VPS13B: variants seen among roughly 807,000 people sequenced by gnomAD.
VPS13B encodes intermembrane lipid transfer protein VPS13B.
In VPS13B, 285 loss-of-function variants were observed where a neutral mutation model predicts 426.4. That is an observed-to-expected ratio of 0.67 (90% CI 0.61 to 0.74). The LOEUF is 0.74. VPS13B is among the 30% of genes least tolerant of loss of function. VPS13B has a pLI of 0.00. For missense variants in VPS13B, 4,537 were observed against 4,782.6 expected, an observed-to-expected ratio of 0.95 and a Z score of 1.51; for synonymous variants, 1,676 against 1,676.4, an observed-to-expected ratio of 1.00 and a Z score of 0.01.
chr8:99,523,432 C>T (rs1289503966), intron 30 of VPS13B, among the ~76,000 whole-genome samples: 2 of 152,212 alleles, frequency 1.3e-5, no homozygotes, highest in Admixed American at 1.3e-4. Context: ...GTGCTGGCTT[C>T]AAGTCTGACC....
chr8:99,676,326 G>A (rs1379574935), intron 35 of VPS13B, among the ~76,000 whole-genome samples: 1 of 152,096 alleles, frequency 6.6e-6, no homozygotes, highest in Non-Finnish European at 1.5e-5. Flanking sequence ...AGGCCTTGTA[G>A]ACAGCTGGTA....
chr8:99,722,522 T>G (rs1833172053), intron 39 of VPS13B, among the ~76,000 whole-genome samples: 1 of 151,956 alleles, frequency 6.6e-6, no homozygotes, highest in Admixed American at 6.6e-5. Context: ...TTTTTTTTTT[T>G]TTGAGACAGA....
At chr8:99,661,216 G>C in intron 34 of VPS13B, 138 bp from the exon 35 acceptor site, 4 of 1,060,832 alleles carry the variant, frequency 3.8e-6, no homozygotes, top group Non-Finnish European at 5.6e-6. Context: ...TACTGTATGT[G>C]CACAAACAAA....
intron 43 of VPS13B, among the ~76,000 whole-genome samples, chr8:99,798,018 C>G (rs539490479): frequency 6.6e-6 from 1 of 152,080 alleles, no homozygotes; most frequent in African/African-American, 2.4e-5. Context: ...CCTTTGCTCC[C>G]GAGTGGCAGT....
chr8:99,348,185 T>C (rs1312601808), intron 19 of VPS13B: 2 of 152,268 alleles, frequency 1.3e-5, no homozygotes, highest in African/African-American at 4.8e-5. Context: ...ATAGTGGATA[T>C]ACTTGTTGAC....
intron 15 of VPS13B, among the ~76,000 whole-genome samples, chr8:99,161,808 T>C (rs58752318): frequency 0.28 from 42,385 of 150,064 alleles, 6,995 homozygotes; most frequent in East Asian, 0.43. Context: ...TCTAGGCTCA[T>C]TGCAATCTCC....
intron 51 of VPS13B, among the ~76,000 whole-genome samples, chr8:99,825,598 G>T (rs1814638190): frequency 6.6e-6 from 1 of 152,096 alleles, no homozygotes; most frequent in South Asian, 2.1e-4. Context: ...GTCAGTTTTG[G>T]CTTTTGTTGC....
intron 34 of VPS13B, among the ~76,000 whole-genome samples, chr8:99,649,839 G>A (rs1035566487): frequency 6.6e-6 from 1 of 152,134 alleles, no homozygotes; most frequent in African/African-American, 2.4e-5. Flanking sequence ...ACAATATAGG[G>A]CTCACTCTCG....
intron 7 of VPS13B, among the ~76,000 whole-genome samples, chr8:99,119,869 G>T (rs1211358834): frequency 1.3e-5 from 2 of 151,756 alleles, no homozygotes; most frequent in Non-Finnish European, 2.9e-5. Context: ...TTTTTCCATG[G>T]TGTTTTTTTT....
intron 37 of VPS13B, among the ~76,000 whole-genome samples, chr8:99,720,055 G>C (rs980281656): frequency 6.6e-6 from 1 of 151,978 alleles, no homozygotes; most frequent in Admixed American, 6.6e-5. Flanking sequence ...TTCCCTCTTA[G>C]CTAAATTAAT....
intron 21 of VPS13B, among the ~76,000 whole-genome samples, chr8:99,431,332 C>T (rs1389484294): frequency 6.6e-6 from 1 of 152,172 alleles, no homozygotes; most frequent in Non-Finnish European, 1.5e-5. Flanking sequence ...GCTCTCCTGA[C>T]TTCTAACAAA....
At chr8:99,481,540 G>A in intron 24 of VPS13B, 59 bp from the exon 25 acceptor site, 1 of 1,531,854 alleles carries the variant, frequency 6.5e-7, no homozygotes, top group African/African-American at 1.4e-5. Flanking sequence ...TATTATTTTA[G>A]TGGATTGAAA....
chr8:99,178,208 C>A (rs534861408), intron 16 of VPS13B, among the ~76,000 whole-genome samples: 26 of 150,982 alleles, frequency 1.7e-4, no homozygotes, highest in Admixed American at 3.3e-4. Flanking sequence ...GCACATTGTG[C>A]AGGTTAGTTA....
intron 5 of VPS13B, among the ~76,000 whole-genome samples, chr8:99,110,498 T>G (rs1847303889): frequency 6.6e-6 from 1 of 152,068 alleles, no homozygotes; most frequent in South Asian, 2.1e-4. Context: ...AATACAAGTG[T>G]TTTATATCTT....
intron 3 of VPS13B, among the ~76,000 whole-genome samples, chr8:99,082,473 C>A (rs1172114998): frequency 2.0e-5 from 3 of 152,154 alleles, no homozygotes; most frequent in Non-Finnish European, 4.4e-5. Context: ...TTAATTACAT[C>A]CCATTTGTCC....
intron 3 of VPS13B, among the ~76,000 whole-genome samples, chr8:99,080,534 T>A (rs1215064724): frequency 6.6e-6 from 1 of 152,220 alleles, no homozygotes; most frequent in East Asian, 1.9e-4. Flanking sequence ...ATATTCCATG[T>A]ATCCATATAT....
At chr8:99,119,726 T>C (rs1023777408) in intron 7 of VPS13B, among the ~76,000 whole-genome samples, 1 of 152,176 alleles carries the variant, frequency 6.6e-6, no homozygotes, top group African/African-American at 2.4e-5. Flanking sequence ...TCTCCTGTCA[T>C]AAGAGTTTAA....
At chr8:99,446,983 C>G (rs899618419) in intron 23 of VPS13B, among the ~76,000 whole-genome samples, 2 of 152,030 alleles carry the variant, frequency 1.3e-5, no homozygotes, top group Non-Finnish European at 2.9e-5. Context: ...CTATTTAAAA[C>G]TCTTTATTAA....
chr8:99,489,344 T>G (rs1054665846), intron 25 of VPS13B, among the ~76,000 whole-genome samples: 1 of 151,832 alleles, frequency 6.6e-6, no homozygotes, highest in Non-Finnish European at 1.5e-5. Context: ...GGTTTTTTGT[T>G]TTGTTTTTTT....
Sources: allele counts gnomAD v4.1 joint callset (sites outside exome capture counted in the v4.1 genomes callset), GRCh38; gene constraint gnomAD v4.1.1; transcripts MANE v1.5; gene names NCBI Gene and HGNC (gene_info 2026-07-23, HGNC 2026-07-21).